The following PARD3B variants were observed in gnomAD, a reference collection of about 807,000 sequenced individuals.
PARD3B encodes par-3 family cell polarity regulator beta, also known as partitioning defective 3 homolog B.
A neutral mutation model predicts 130.2 loss-of-function variants in PARD3B; 103 were observed. The ratio of observed to expected loss-of-function variants is 0.79; its 90% confidence interval spans 0.67 to 0.93. PARD3B has a LOEUF of 0.93. PARD3B is among the 40% of genes least tolerant of loss of function. PARD3B has a pLI of 0.00. For synonymous variants in PARD3B, 583 were observed against 553.2 expected, an observed-to-expected ratio of 1.05 and a Z score of -0.76; for missense variants, 1,609 against 1,499.2, an observed-to-expected ratio of 1.07 and a Z score of -1.21.
chr2:204,592,207 T>C (rs1238673627), intron 1 of PARD3B, among the ~76,000 whole-genome samples: 1 of 152,230 alleles, frequency 6.6e-6, no homozygotes, highest in African/African-American at 2.4e-5. Flanking sequence ...CTTTACAAAA[T>C]GCTAGACAAA....
At chr2:205,299,976 T>A (rs545029666) in intron 16 of PARD3B, among the ~76,000 whole-genome samples, 2 of 152,312 alleles carry the variant, frequency 1.3e-5, no homozygotes, top group Admixed American at 1.3e-4. Flanking sequence ...AAAATCACAG[T>A]CACTTCAATG....
At chr2:204,632,500 G>T (rs535333879) in intron 1 of PARD3B, among the ~76,000 whole-genome samples, 2 of 152,178 alleles carry the variant, frequency 1.3e-5, no homozygotes, top group Non-Finnish European at 2.9e-5. Flanking sequence ...AATTGTTGTT[G>T]TTTGCTTTTT....
chr2:204,973,664 C>T (rs1691903650), intron 3 of PARD3B, among the ~76,000 whole-genome samples: 8 of 151,980 alleles, frequency 5.3e-5, no homozygotes, highest in Admixed American at 5.2e-4. Context: ...TCGTGACTGG[C>T]TCAGGATTTT....
At chr2:204,835,534 C>T (rs968313556) in intron 2 of PARD3B, among the ~76,000 whole-genome samples, 13 of 152,140 alleles carry the variant, frequency 8.5e-5, no homozygotes, top group African/African-American at 2.9e-4. Context: ...GTTTGCCACT[C>T]CCTTCCCCAA....
At chr2:205,254,954 G>A (rs946543298) in intron 16 of PARD3B, among the ~76,000 whole-genome samples, 1 of 151,852 alleles carries the variant, frequency 6.6e-6, no homozygotes, top group East Asian at 1.9e-4. Context: ...GTGAGCCACC[G>A]CGCCCGGCCG....
At chr2:205,140,866 G>A (rs1177118713) in intron 10 of PARD3B, among the ~76,000 whole-genome samples, 1 of 152,076 alleles carries the variant, frequency 6.6e-6, no homozygotes, top group Non-Finnish European at 1.5e-5. Flanking sequence ...AGAAAAAAAT[G>A]AAGTCGAAAA....
chr2:205,381,762 A>C (rs79288173), intron 18 of PARD3B, among the ~76,000 whole-genome samples: 1 of 151,814 alleles, frequency 6.6e-6, no homozygotes, highest in African/African-American at 2.4e-5. Flanking sequence ...AGAAACATGT[A>C]GACAATGTAT....
chr2:205,539,331 C>G (rs1201510350), intron 21 of PARD3B, among the ~76,000 whole-genome samples: 1 of 152,086 alleles, frequency 6.6e-6, no homozygotes, highest in East Asian at 1.9e-4. Context: ...ATTGCAAAAC[C>G]CTGTATGAAT....
intron 10 of PARD3B, among the ~76,000 whole-genome samples, chr2:205,157,876 T>C (rs1167970518): frequency 6.6e-6 from 1 of 152,200 alleles, no homozygotes; most frequent in Non-Finnish European, 1.5e-5. Flanking sequence ...CACTGCTGTA[T>C]ATTTGAAAAC....
intron 2 of PARD3B, among the ~76,000 whole-genome samples, chr2:204,766,637 A>G (rs2041160992): frequency 6.6e-6 from 1 of 152,098 alleles, no homozygotes. Flanking sequence ...TGAAATTTTG[A>G]ATTCATATTC....
At chr2:205,109,874 G>A (rs572355541) in intron 5 of PARD3B, among the ~76,000 whole-genome samples, 5 of 151,992 alleles carry the variant, frequency 3.3e-5, no homozygotes, top group South Asian at 2.1e-4. Context: ...GGCTGGTCTC[G>A]AACTTCTGAC....
intron 2 of PARD3B, among the ~76,000 whole-genome samples, chr2:204,938,503 A>G (rs1468911766): frequency 6.6e-6 from 1 of 152,142 alleles, no homozygotes; most frequent in African/African-American, 2.4e-5. Flanking sequence ...AATTTTCCCA[A>G]TTCTTCGGTC....
intron 4 of PARD3B, among the ~76,000 whole-genome samples, chr2:205,096,930 C>G (rs1178710729): frequency 1.3e-5 from 2 of 152,094 alleles, no homozygotes; most frequent in Non-Finnish European, 2.9e-5. Context: ...GGTATCTTTT[C>G]CTTACCCTGT....
chr2:204,772,831 A>T (rs1464360886), intron 2 of PARD3B, among the ~76,000 whole-genome samples: 2 of 152,134 alleles, frequency 1.3e-5, no homozygotes, highest in Admixed American at 1.3e-4. Flanking sequence ...AGCTATCTCT[A>T]AGAAATGTTG....
chr2:204,755,539 T>A (rs973447431), intron 2 of PARD3B, among the ~76,000 whole-genome samples: 4 of 152,126 alleles, frequency 2.6e-5, no homozygotes, highest in African/African-American at 9.7e-5. Context: ...CATTTTTTGT[T>A]CAATGACACA....
chr2:205,425,431 C>T (rs1047354267), intron 19 of PARD3B, among the ~76,000 whole-genome samples: 2 of 151,378 alleles, frequency 1.3e-5, no homozygotes, highest in African/African-American at 4.9e-5. Flanking sequence ...CTTGAAATGG[C>T]AGTGTTTAGT....
chr2:205,413,193 G>T (rs969749842), intron 19 of PARD3B, among the ~76,000 whole-genome samples: 2 of 152,126 alleles, frequency 1.3e-5, no homozygotes, highest in Non-Finnish European at 2.9e-5. Context: ...CTAGCCTTCA[G>T]AGTTCCTATA....
intron 2 of PARD3B, among the ~76,000 whole-genome samples, chr2:204,712,430 G>A (rs1402548025): frequency 2.6e-5 from 4 of 151,866 alleles, no homozygotes; most frequent in Non-Finnish European, 1.5e-5. Context: ...GGCCAGTATG[G>A]TGAAACCCCA....
In PARD3B at chr2:204,838,026, G is replaced by T. The variant is rs891881174; in HGVS notation, c.223-127126G>T. ...ACATCAAGGAGCTCACAGTATAATG[G>T]GGGGAGAGACAGATACATACACAGG... On this transcript the variant is annotated intron_variant, in intron 2 of 22. Transcript: ENST00000406610. Among the ~76,000 whole-genome samples, 43 of 139,496 alleles carry T rather than the reference G, an allele frequency of 3.1e-4. 1 individual carries two copies. The highest frequency in any genetic ancestry group is 1.1e-3 in the African/African-American group (43 of 40,262). The allele number at this position is 139,496 out of a possible 152,430, so 91.5% of individuals were successfully genotyped here. A position where few individuals can be genotyped will look rare whatever the true frequency, so the allele number is the denominator to read the frequency against.
Sources: gnomAD v4.1 joint callset for allele counts (sites outside exome capture counted in the v4.1 genomes callset) on GRCh38, gnomAD v4.1.1 for gene constraint, MANE v1.5 for transcripts, NCBI Gene and HGNC (gene_info 2026-07-23, HGNC 2026-07-21) for gene names.